Variants in SOS2 observed in about 807,000 individuals in gnomAD.
SOS2 encodes the protein SOS Ras/Rho guanine nucleotide exchange factor 2, also known as son of sevenless homolog 2.
Under a neutral mutation model 148.2 loss-of-function variants are expected in SOS2, and 65 were observed. The ratio of observed to expected loss-of-function variants is 0.44; its 90% CI spans 0.36 to 0.54. SOS2 has a LOEUF of 0.54. Ranked by LOEUF, SOS2 falls within the 20% of genes least tolerant of loss-of-function variation. The pLI is 0.00. For missense variants in SOS2, 1,341 were observed against 1,590.2 expected, an observed-to-expected ratio of 0.84 and a Z score of 2.67; for synonymous variants, 539 against 537.1, an observed-to-expected ratio of 1.00 and a Z score of -0.05.
chr14:50,137,015 T>C (rs1353971019), intron 18 of SOS2, among the ~76,000 whole-genome samples: 1 of 152,162 alleles, frequency 6.6e-6, no homozygotes, highest in African/African-American at 2.4e-5. Context: ...ATGGTGGATA[T>C]TTTCACTCAA....
intron 16 of SOS2, among the ~76,000 whole-genome samples, chr14:50,141,740 A>G (rs1048126376): frequency 3.3e-5 from 5 of 152,206 alleles, no homozygotes; most frequent in African/African-American, 7.2e-5. Flanking sequence ...CAAAATGCCA[A>G]TTTAAAAAAA....
chr14:50,147,219 C>A (rs1011295996), intron 14 of SOS2, among the ~76,000 whole-genome samples: 12 of 150,934 alleles, frequency 8.0e-5, no homozygotes, highest in African/African-American at 1.9e-4. Context: ...ACAACAACAA[C>A]AAAAAACCAG....
At chr14:50,121,063 T>TAAA (rs1235495911) in intron 21 of SOS2, among the ~76,000 whole-genome samples, 2 of 152,102 alleles carry the variant, frequency 1.3e-5, no homozygotes, top group Non-Finnish European at 2.9e-5. Flanking sequence ...GAAGCAGCTA[T>TAAA]GATTGGGCAC....
intron 4 of SOS2, among the ~76,000 whole-genome samples, chr14:50,189,516 T>C (rs1012383012): frequency 4.6e-5 from 7 of 152,074 alleles, no homozygotes; most frequent in Non-Finnish European, 7.4e-5. Flanking sequence ...TGCATACTAC[T>C]ACATCTAGCA....
intron 9 of SOS2, 46 bp downstream of exon 9, chr14:50,161,436 A>G: frequency 2.6e-6 from 4 of 1,529,062 alleles, no homozygotes; most frequent in Non-Finnish European, 3.6e-6. Flanking sequence ...CATCAGAGAC[A>G]GCGAAGTAAG....
rs34222143 is a variant in SOS2 at position 50,123,380 on chromosome 14, CTT to C, written c.3380-2998_3380-2997del. On this transcript the variant is annotated intron_variant, in intron 21 of 22. Transcript: ENST00000216373. ...AGTGAGATGGAAAGCCACCAGAGGG[CTT>C]TTTTTTTTTTTTTTTTGAGATGGAG... Among the ~76,000 whole-genome samples the C allele has an allele frequency of 9.3e-3, 1,102 of 118,440 alleles. 13 individuals carry two copies. The highest frequency in any genetic ancestry group is 0.034 in the African/African-American group (1,050 of 31,268). 77.7% of individuals were successfully genotyped at this position (118,440 alleles called of 152,430 possible). A position where few individuals can be genotyped will look rare whatever the true frequency, so the allele number is the denominator to read the frequency against.
At chr14:50,191,675 T>C (rs900125734) in intron 4 of SOS2, among the ~76,000 whole-genome samples, 2 of 152,142 alleles carry the variant, frequency 1.3e-5, no homozygotes, top group Non-Finnish European at 2.9e-5. Context: ...AGTAACATTA[T>C]AATATATAAG....
At chr14:50,121,675 T>C (rs183271996) in intron 21 of SOS2, among the ~76,000 whole-genome samples, 1 of 151,846 alleles carries the variant, frequency 6.6e-6, no homozygotes. Context: ...CAAGTAGATA[T>C]GTCAAACTAA....
intron 1 of SOS2, among the ~76,000 whole-genome samples, chr14:50,222,365 T>C (rs1260765708): frequency 6.6e-6 from 1 of 152,204 alleles, no homozygotes; most frequent in Non-Finnish European, 1.5e-5. Flanking sequence ...GATGAATACA[T>C]GTTAGCCTGG....
At position 50,226,141 on chromosome 14, in the gene SOS2, G is replaced by A. The variant is rs183252856; in HGVS notation, c.87+5056C>T. Among the ~76,000 whole-genome samples the A allele has an allele frequency of 1.7e-3, 257 of 152,010 alleles. 2 individuals are homozygous for A. The highest frequency in any genetic ancestry group is 2.3e-3 in the Admixed American group (35 of 15,268). On this transcript the variant is annotated intron_variant, in intron 1 of 22. Coordinates refer to ENST00000216373, the MANE Select transcript of SOS2 (RefSeq NM_006939.4). ...CAGCAGGGGCTCTGCTACATCTTCC[G>A]TATCAAGAACAGTGTCTGCAGCCAG...
chr14:50,163,152 A>G (rs1382441085), intron 8 of SOS2, among the ~76,000 whole-genome samples: 1 of 150,926 alleles, frequency 6.6e-6, no homozygotes, highest in Admixed American at 6.6e-5. Flanking sequence ...TTTTGAAAGA[A>G]GAGTTCAAAG....
At chr14:50,225,058 G>A (rs1887326398) in intron 1 of SOS2, among the ~76,000 whole-genome samples, 1 of 152,106 alleles carries the variant, frequency 6.6e-6, no homozygotes, top group Admixed American at 6.6e-5. Context: ...GTTAAAATGT[G>A]AATGTGTAAT....
At chr14:50,194,714 G>A (rs1233657371) in intron 4 of SOS2, among the ~76,000 whole-genome samples, 2 of 150,774 alleles carry the variant, frequency 1.3e-5, no homozygotes, top group East Asian at 3.9e-4. Flanking sequence ...GGAGGCAGAG[G>A]TTGCAGTGAG....
chr14:50,224,293 G>GAAA (rs112000335), intron 1 of SOS2, among the ~76,000 whole-genome samples: 11,984 of 86,950 alleles, frequency 0.14, 1,615 homozygotes, highest in East Asian at 0.43. Context: ...TCCGTCTCAG[G>GAAA]AAAAAAAAAA....
chr14:50,212,769 G>T (rs146316479), intron 1 of SOS2, among the ~76,000 whole-genome samples: 3,312 of 152,274 alleles, frequency 0.022, 58 homozygotes, highest in South Asian at 0.043. Context: ...AAATTTTAAT[G>T]TCAGGACCCT....
In SOS2 at chr14:50,150,018, C is replaced by G; in HGVS notation, c.2374G>C (p.Asp792His). Reference protein sequence around the residue: ...IARQLTLLESDLYRKVQPSEL... With the variant: ...IARQLTLLESHLYRKVQPSEL... Reference sequence around the variant, plus strand: ...ACATTAATTGTCTACCTGTAAAGATCAGACTCCAAAAGTGTCAGCTGACGT... The same window carrying G: ...ACATTAATTGTCTACCTGTAAAGATGAGACTCCAAAAGTGTCAGCTGACGT... Residue 792 changes from aspartate (D) to histidine (H), a missense_variant, in exon 14 of 23, where the codon GAT (aspartate) becomes CAT (histidine). Transcript: ENST00000216373. 1 of 1,600,574 alleles carries G rather than the reference C, an allele frequency of 6.2e-7. No individual in the cohort carries two copies. Among genetic ancestry groups the G allele is most frequent in the Non-Finnish European group, 8.6e-7 (1 of 1,167,642 alleles).
intron 8 of SOS2, among the ~76,000 whole-genome samples, chr14:50,170,788 G>A (rs1010204962): frequency 4.0e-5 from 6 of 148,868 alleles, no homozygotes; most frequent in South Asian, 2.1e-4. Context: ...ATACCACCTC[G>A]TATCCATTAG....
chr14:50,132,804 AGCTTTT>A lies in SOS2; in HGVS notation c.3075+1313_3075+1318del, dbSNP rs199958282. Among the ~76,000 whole-genome samples the A allele has an allele frequency of 7.5e-3, 1,136 of 152,310 alleles. 2 individuals are homozygous for A. Among genetic ancestry groups the A allele is most frequent in the Middle Eastern group, 0.02 (6 of 294 alleles). The stretch of plus-strand genomic sequence containing the variant: ...GGACTGTTTTGAGAAAGTTAGCCAA[AGCTTTT>A]GCAGAAAAACAACCAGGAAAGCTTC... On this transcript the variant is annotated intron_variant, in intron 19 of 22. Transcript: ENST00000216373.
intron 1 of SOS2, among the ~76,000 whole-genome samples, chr14:50,226,527 C>T (rs1445140587): frequency 6.6e-5 from 10 of 152,146 alleles, no homozygotes; most frequent in Admixed American, 5.2e-4. Context: ...TTTTCCTTGC[C>T]GTAGACTGCT....
Sources: gnomAD v4.1 joint callset for allele counts (sites outside exome capture counted in the v4.1 genomes callset) on GRCh38, gnomAD v4.1.1 for gene constraint, MANE v1.5 for transcripts, NCBI Gene and HGNC (gene_info 2026-07-23, HGNC 2026-07-21) for gene names.